DENND1C: variants seen among roughly 807,000 people sequenced by gnomAD.
DENND1C encodes DENN domain containing 1C, also known as DENN domain-containing protein 1C.
A neutral mutation model predicts 87.9 loss-of-function variants in DENND1C; 64 were observed. The observed-to-expected ratio is 0.73, with a 90% CI of 0.60 to 0.90. DENND1C has a LOEUF of 0.90. Ranked by LOEUF, DENND1C falls within the 40% of genes least tolerant of loss-of-function variation. DENND1C has a pLI of 0.00. For synonymous variants in DENND1C, 384 were observed against 424.4 expected, an observed-to-expected ratio of 0.90 and a Z score of 1.17; for missense variants, 980 against 1,037.0, an observed-to-expected ratio of 0.95 and a Z score of 0.76.
chr19:6,478,031 C>T (rs1200412155), intron 6 of DENND1C, among the ~76,000 whole-genome samples: 1 of 151,830 alleles, frequency 6.6e-6, no homozygotes, highest in Non-Finnish European at 1.5e-5. Flanking sequence ...GGCGGAATCG[C>T]ACCACCGCAC....
Position 6,477,027 on chromosome 19 carries a change from C to G in DENND1C, c.567+47G>C, listed in dbSNP as rs367784468. 4 of 1,613,166 alleles carry G rather than the reference C, an allele frequency of 2.5e-6. No individual in the cohort carries two copies. In the South Asian group the frequency reaches 3.3e-5, roughly 13 times the overall value. ...GCCCCTGGATCTTGCATCCCCGGTC[C>G]GGGTTTCGGGACCTGTTCTCACCCC... On this transcript the variant is annotated intron_variant, in intron 9 of 22. Coordinates refer to ENST00000381480, the MANE Select transcript of DENND1C (RefSeq NM_024898.4).
chr19:6,469,683 C>T (rs1287644749), intron 18 of DENND1C, 43 bp from the exon 19 acceptor site: 1 of 1,580,012 alleles, frequency 6.3e-7, no homozygotes, highest in Non-Finnish European at 8.6e-7. Flanking sequence ...GTGGTGGGAT[C>T]CTGGGCATTT....
rs371338380 is a variant in DENND1C at position 6,467,905 on chromosome 19, C to A, written c.2005G>T (p.Asp669Tyr). ...TASADPSIWG[D>Y]PKPSPLTEPL... The stretch of plus-strand genomic sequence containing the variant: ...TCTGTGAGAGGAGAGGGTTTGGGGT[C>A]CCCCCAGATGCTTGGGTCTGCAGAA... Residue 669 changes from aspartate to tyrosine, a missense_variant, in exon 23 of 23, where the codon GAC becomes TAC. Coordinates refer to ENST00000381480, the MANE Select transcript of DENND1C (RefSeq NM_024898.4). 6.2e-6 allele frequency: 10 copies of A among 1,612,418 alleles called. No individual in the cohort carries two copies. Among genetic ancestry groups the A allele is most frequent in the African/African-American group, 1.3e-5 (1 of 74,806 alleles).
In DENND1C at chr19:6,467,965, G is replaced by A. The variant is rs1247865569; in HGVS notation, c.1945C>T (p.Gln649Ter). ...GACTGGGATGGAGACGTGACTTCTT[G>A]GTCGGACTCTGAGGGTATCAGCTGG... is the stretch of plus-strand genomic sequence containing the variant. Reference protein sequence around the residue: ...RSQLIPSESDQEVTSPSQSST... With the variant: ...RSQLIPSESD Residue 649 changes from glutamine to a stop codon, truncating the protein, a stop_gained, in exon 23 of 23, where the codon CAA (glutamine) becomes TAA (stop). Transcript: ENST00000381480. LOFTEE classifies it low-confidence loss of function (END_TRUNC). 6.2e-7 allele frequency: 1 copy of A among 1,613,790 alleles called. No homozygotes were observed. The highest frequency in any genetic ancestry group is 8.5e-7 in the Non-Finnish European group (1 of 1,179,864).
rs1418151313 is a variant in DENND1C, at chr19:6,471,508, G to C, written c.1159-12C>G. 6.5e-7 allele frequency: 1 copy of C among 1,537,156 alleles called. No homozygotes were observed. Among genetic ancestry groups the C allele is most frequent in the Non-Finnish European group, 8.8e-7 (1 of 1,139,816 alleles). On this transcript the variant is annotated splice_polypyrimidine_tract_variant and intron_variant, in intron 15 of 22. Coordinates refer to ENST00000381480, the MANE Select transcript of DENND1C (RefSeq NM_024898.4). ...CGGGCTTCGATGAACTGGGGTGGGG[G>C]ACAGTAAATCAGAAACAGCAGGAGA...
At chr19:6,474,413 AT>A (rs1181224172) in intron 14 of DENND1C, among the ~76,000 whole-genome samples, 1 of 152,064 alleles carries the variant, frequency 6.6e-6, no homozygotes, top group Non-Finnish European at 1.5e-5. Flanking sequence ...GATTTTACAG[AT>A]TGGTTGTGAA....
At position 6,475,458 on chromosome 19, in the gene DENND1C, A is replaced by T. The variant is rs759416203; in HGVS notation, c.927+26T>A. The T allele has an allele frequency of 1.9e-6, 3 of 1,613,622 alleles. No individual in the cohort carries two copies. The African/African-American group carries it at 4.0e-5, about 22-fold the overall frequency. ...GTGTGGGCCCCTCGCCTCCCGGGGCAGGAAGGTGGGAGGGGCGACACTGAC... is the reference window on the plus strand; with the variant it reads ...GTGTGGGCCCCTCGCCTCCCGGGGCTGGAAGGTGGGAGGGGCGACACTGAC... On this transcript the variant is annotated intron_variant, in intron 13 of 22. Transcript: ENST00000381480.
At chr19:6,468,538 G>A (rs2092809372) in intron 21 of DENND1C, 40 bp downstream of exon 21, 2 of 1,555,824 alleles carry the variant, frequency 1.3e-6, no homozygotes, top group East Asian at 4.8e-5. Flanking sequence ...ATCAGTCCTG[G>A]CCTCCCACTT....
chr19:6,478,909 C>T (rs568999744), intron 5 of DENND1C, 28 bp downstream of exon 5: 15 of 1,612,742 alleles, frequency 9.3e-6, no homozygotes, highest in Non-Finnish European at 1.2e-5. Context: ...CCTTTCCCAT[C>T]CCCCCCTCCA....
rs1954817981 is a variant in DENND1C at position 6,476,848 on chromosome 19, C to T, written c.678+9G>A. On this transcript the variant is annotated intron_variant, in intron 10 of 22. Coordinates refer to ENST00000381480, the MANE Select transcript of DENND1C (RefSeq NM_024898.4). ...TGCTCCCACCCCGGCCCGGCGGACCCCGCCTCACGGTGCTGAGTTTGCTGG... is the reference window on the plus strand; with the variant it reads ...TGCTCCCACCCCGGCCCGGCGGACCTCGCCTCACGGTGCTGAGTTTGCTGG... The T allele has an allele frequency of 2.5e-6, 4 of 1,608,508 alleles. No individual in the cohort carries two copies. In the African/African-American group the frequency reaches 4.0e-5, roughly 16 times the overall value.
At position 6,471,458 on chromosome 19, in the gene DENND1C, C is replaced by T. The variant is rs1193989053; in HGVS notation, c.1197G>A (p.Glu399=). 18 of 1,581,388 alleles carry T rather than the reference C, an allele frequency of 1.1e-5. No homozygotes were observed. The highest frequency in any genetic ancestry group is 4.6e-5 in the East Asian group (2 of 43,126). The stretch of plus-strand genomic sequence containing the variant: ...CCTGCTCGAATTGATCTGAGAAGCC[C>T]TCCCCCTTGTTGAGCTTCTCCAGCC... ...EARLEKLNKG[E]GFSDQFEQEI... The change falls in exon 16 of 23, where the codon GAG becomes GAA. Residue 399 remains glutamate, a synonymous_variant. Coordinates refer to ENST00000381480, the MANE Select transcript of DENND1C (RefSeq NM_024898.4).
chr19:6,475,643 T>C, intron 12 of DENND1C, 58 bp from the exon 13 acceptor site: 1 of 1,613,258 alleles, frequency 6.2e-7, no homozygotes, highest in Non-Finnish European at 8.5e-7. Context: ...GAGGAGGGCA[T>C]CTGGGGATGT....
intron 15 of DENND1C, among the ~76,000 whole-genome samples, chr19:6,472,264 C>T (rs2092833967): frequency 6.6e-6 from 1 of 151,706 alleles, no homozygotes; most frequent in Non-Finnish European, 1.5e-5. Context: ...CTTGGACCGC[C>T]ACCCCAGTCC....
rs2092805775 is a variant in DENND1C at position 6,468,065 on chromosome 19, G to A, written c.1845C>T (p.Pro615=). 6.2e-7 allele frequency: 1 copy of A among 1,613,774 alleles called. No homozygotes were observed. Among genetic ancestry groups the A allele is most frequent in the Non-Finnish European group, 8.5e-7 (1 of 1,179,878 alleles). The stretch of plus-strand genomic sequence containing the variant: ...GCAGGGATGGCAGGGAAAGGGGCTG[G>A]GGCTCCGGCTCTGGTAGTTTCTTAT... ...PDDKKLPEPE[P]QPLSLPSLQN... is the part of the protein sequence containing the mutation. Residue 615 remains proline, a synonymous_variant, in exon 23 of 23, where the codon CCC becomes CCT. Coordinates refer to ENST00000381480, the MANE Select transcript of DENND1C (RefSeq NM_024898.4).
In DENND1C at chr19:6,481,519, A is replaced by G. The variant is rs3887594; in HGVS notation, c.17+160T>C. The G allele has an allele frequency of 0.017, 16,531 of 967,876 alleles. 1,288 individuals are homozygous for G. The African/African-American group carries it at 0.2, about 12-fold the overall frequency. 60.0% of individuals were successfully genotyped at this position (967,876 alleles called of 1,614,324 possible). On this transcript the variant is annotated intron_variant, in intron 1 of 22. Coordinates refer to ENST00000381480, the MANE Select transcript of DENND1C (RefSeq NM_024898.4). ...ACCGAGAGTGGCCTGTCCCAGAGTG[A>G]AGGTCATAGCGGAGGCCCATGGAGT...
chr19:6,480,139 C>T (rs1248506521), intron 1 of DENND1C, 88 bp from the exon 2 acceptor site: 3 of 1,536,520 alleles, frequency 2.0e-6, no homozygotes, highest in Non-Finnish European at 1.8e-6. Context: ...GTTGTGTGTG[C>T]ATGTGCCACA....
intron 14 of DENND1C, among the ~76,000 whole-genome samples, chr19:6,473,838 G>A (rs2092844113): frequency 6.6e-6 from 1 of 151,724 alleles, no homozygotes; most frequent in Admixed American, 6.6e-5. Context: ...ATCTGACTCG[G>A]GTGTTCACAG....
intron 10 of DENND1C, 68 bp from the exon 11 acceptor site, chr19:6,476,005 A>G (rs749989191): frequency 5.9e-6 from 8 of 1,359,718 alleles, no homozygotes; most frequent in Non-Finnish European, 6.9e-6. Context: ...TTCCAGCTGC[A>G]TTTCCCACGT....
chr19:6,477,533 G>T, intron 6 of DENND1C, 75 bp from the exon 7 acceptor site: 1 of 1,418,552 alleles, frequency 7.0e-7, no homozygotes, highest in Non-Finnish European at 9.8e-7. Flanking sequence ...TATGACTAAG[G>T]TTGAGTGGTC....
Sources: gnomAD v4.1 joint callset for allele counts (sites outside exome capture counted in the v4.1 genomes callset) on GRCh38, gnomAD v4.1.1 for gene constraint, MANE v1.5 for transcripts, NCBI Gene and HGNC (gene_info 2026-07-23, HGNC 2026-07-21) for gene names.